The following TBC1D4 variants were observed in gnomAD, a reference collection of about 807,000 sequenced individuals.
The protein encoded by TBC1D4 is TBC (Tre-2, BUB2, CDC16) domain-containing protein.
A neutral mutation model predicts 142.5 loss-of-function variants in TBC1D4; 121 were observed. That is an observed-to-expected ratio of 0.85 (90% CI 0.73 to 0.99). The LOEUF (loss-of-function observed/expected upper bound fraction) is 0.99, where lower values mean the gene tolerates loss of function less well. Among genes scored for constraint, TBC1D4 ranks in the 50% least tolerant of loss-of-function variants. TBC1D4 has a pLI of 0.00. For missense variants in TBC1D4, 1,475 were observed against 1,606.6 expected, an observed-to-expected ratio of 0.92 and a Z score of 1.40; for synonymous variants, 630 against 628.2, an observed-to-expected ratio of 1.00 and a Z score of -0.04.
In TBC1D4 at chr13:75,359,854, C is replaced by T; in HGVS notation, c.1085G>A (p.Gly362Glu). Residue 362 changes from glycine (G) to glutamate (E), a missense_variant, in exon 3 of 21, where the codon GGG becomes GAG. Gly to Glu is a moderately conservative substitution (Grantham distance 98). Around this residue, in one of 2 missense-constraint regions of TBC1D4, gnomAD observed 1,227 missense variants for 1,267.7 expected, o/e 0.97. Coordinates refer to ENST00000377636, the MANE Select transcript of TBC1D4 (RefSeq NM_014832.5). ...EKNRTMLFQVGRFEINLISPD... is the reference protein window; with the variant it reads ...EKNRTMLFQVERFEINLISPD... ...ACTGATAAGGTTAATCTCAAATCGC[C>T]CAACCTTAAAAATAAAAGCATTCCA... The T allele has an allele frequency of 6.2e-7, 1 of 1,613,148 alleles. No individual in the cohort carries two copies. Among genetic ancestry groups the T allele is most frequent in the Non-Finnish European group, 8.5e-7 (1 of 1,179,428 alleles).
At chr13:75,336,813 T>G (rs997173926) in intron 8 of TBC1D4, 108 bp downstream of exon 8, 48 of 1,302,908 alleles carry the variant, frequency 3.7e-5, no homozygotes, top group Admixed American at 4.6e-5. Context: ...TAGGTTTTTT[T>G]TTTGTTTGTT....
At chr13:75,477,960 G>A (rs1443491259) in intron 1 of TBC1D4, among the ~76,000 whole-genome samples, 1 of 152,144 alleles carries the variant, frequency 6.6e-6, no homozygotes, top group African/African-American at 2.4e-5. Context: ...TTGCACCTTG[G>A]AGAAACAGTG....
intron 7 of TBC1D4, among the ~76,000 whole-genome samples, chr13:75,338,821 C>T (rs1880433998): frequency 6.6e-6 from 1 of 152,212 alleles, no homozygotes; most frequent in African/African-American, 2.4e-5. Flanking sequence ...CCACTCTCGT[C>T]TGCTTTCTTT....
At chr13:75,350,340 C>T (rs1881496071) in intron 4 of TBC1D4, among the ~76,000 whole-genome samples, 1 of 152,090 alleles carries the variant, frequency 6.6e-6, no homozygotes, top group Non-Finnish European at 1.5e-5. Context: ...TTCTACATTT[C>T]AGTATATGAG....
At chr13:75,475,641 A>C (rs551286695) in intron 1 of TBC1D4, among the ~76,000 whole-genome samples, 37 of 152,358 alleles carry the variant, frequency 2.4e-4, no homozygotes, top group African/African-American at 8.2e-4. Context: ...TATACCAGAT[A>C]ATCTAGAAAA....
chr13:75,400,258 T>C (rs1885016189), intron 1 of TBC1D4, among the ~76,000 whole-genome samples: 1 of 152,188 alleles, frequency 6.6e-6, no homozygotes, highest in African/African-American at 2.4e-5. Flanking sequence ...CTCTTCCTCT[T>C]TAATATTGCT....
At chr13:75,462,278 G>C (rs9543935) in intron 1 of TBC1D4, among the ~76,000 whole-genome samples, 58,658 of 151,970 alleles carry the variant, frequency 0.39, 13,931 homozygotes, top group East Asian at 0.62. Flanking sequence ...TGTGTCCGAG[G>C]TGTCCAACGT....
At chr13:75,456,711 G>A (rs1887750066) in intron 1 of TBC1D4, among the ~76,000 whole-genome samples, 1 of 149,454 alleles carries the variant, frequency 6.7e-6, no homozygotes, top group Non-Finnish European at 1.5e-5. Context: ...AGTAGAAACT[G>A]GTCCAACACT....
intron 11 of TBC1D4, among the ~76,000 whole-genome samples, 189 bp from the exon 12 acceptor site, chr13:75,320,226 C>T (rs12870217): frequency 6.6e-6 from 1 of 151,828 alleles, no homozygotes; most frequent in South Asian, 2.1e-4. Context: ...AAAAACTATA[C>T]CACAAAGTAC....
rs529327088 is a variant in TBC1D4 at position 75,418,771 on chromosome 13, A to C, written c.499-56164T>G. Among the ~76,000 whole-genome samples, 38 of 152,320 alleles carry C rather than the reference A, an allele frequency of 2.5e-4. 1 individual carries two copies. The South Asian group carries it at 7.5e-3, about 30-fold the overall frequency. On this transcript the variant is annotated intron_variant, in intron 1 of 20. Transcript: ENST00000377636. ...TTTCTTTTTCTCAATTTTTGGAATC[A>C]CAGATATTCTAACAACTCCAAGTGC...
At chr13:75,332,864 A>G (rs1314670621) in intron 8 of TBC1D4, among the ~76,000 whole-genome samples, 1 of 152,234 alleles carries the variant, frequency 6.6e-6, no homozygotes, top group African/African-American at 2.4e-5. Flanking sequence ...GCCATAACAA[A>G]GAAACAAAAC....
chr13:75,432,921 G>A (rs1200925790), intron 1 of TBC1D4, among the ~76,000 whole-genome samples: 1 of 145,694 alleles, frequency 6.9e-6, no homozygotes, highest in Non-Finnish European at 1.5e-5. Context: ...TAGCCTGGGC[G>A]ACAGACCGAG....
intron 1 of TBC1D4, among the ~76,000 whole-genome samples, chr13:75,427,595 C>T (rs1301207148): frequency 6.6e-6 from 1 of 152,160 alleles, no homozygotes; most frequent in African/African-American, 2.4e-5. Context: ...AACCTCACAC[C>T]TCTGCTGCTC....
intron 1 of TBC1D4, among the ~76,000 whole-genome samples, chr13:75,384,265 G>A (rs957113272): frequency 2.0e-5 from 3 of 152,014 alleles, no homozygotes; most frequent in African/African-American, 4.8e-5. Context: ...GTGAAATCCC[G>A]TCTCTACTAA....
At chr13:75,476,334 A>G (rs903812136) in intron 1 of TBC1D4, among the ~76,000 whole-genome samples, 16 of 152,248 alleles carry the variant, frequency 1.1e-4, no homozygotes, top group African/African-American at 3.9e-4. Flanking sequence ...CAATATGTTT[A>G]ATAATTTTGT....
At chr13:75,315,505 A>T (rs1315026766) in intron 12 of TBC1D4, among the ~76,000 whole-genome samples, 1 of 151,570 alleles carries the variant, frequency 6.6e-6, no homozygotes. Flanking sequence ...ATATGATTCA[A>T]ATGTTCTATA....
chr13:75,327,035 C>T (rs550714870), intron 9 of TBC1D4, among the ~76,000 whole-genome samples: 1 of 152,190 alleles, frequency 6.6e-6, no homozygotes, highest in East Asian at 1.9e-4. Flanking sequence ...ACATGAAAAA[C>T]AGGAAATGAA....
chr13:75,337,135 C>T, intron 7 of TBC1D4, 95 bp from the exon 8 acceptor site: 1 of 1,182,738 alleles, frequency 8.5e-7, no homozygotes, highest in South Asian at 1.3e-5. Flanking sequence ...TTAAAAAACA[C>T]AAGAATTCTT....
intron 19 of TBC1D4, among the ~76,000 whole-genome samples, chr13:75,289,599 G>A (rs937656408): frequency 6.6e-6 from 1 of 151,992 alleles, no homozygotes; most frequent in Non-Finnish European, 1.5e-5. Flanking sequence ...TAATTTATTT[G>A]CCAATGGAGC....
Sources: gnomAD v4.1 joint callset for allele counts (sites outside exome capture counted in the v4.1 genomes callset) on GRCh38, gnomAD v4.1.1 for gene constraint, gnomAD v4.1.1 regional missense constraint, MANE v1.5 for transcripts, NCBI Gene and HGNC (gene_info 2026-07-23, HGNC 2026-07-21) for gene names.